Variants in SH3GL2 observed in about 807,000 individuals in gnomAD.
The protein encoded by SH3GL2 is SH3 domain containing GRB2 like 2, endophilin A1.
SH3GL2 carries 24 observed loss-of-function variants against 46.0 expected under a neutral mutation model. That is an observed-to-expected ratio of 0.52 (90% CI 0.38 to 0.73). The LOEUF is 0.73. Among genes scored for constraint, SH3GL2 ranks in the 30% least tolerant of loss-of-function variants. The pLI, the probability that SH3GL2 is intolerant of heterozygous loss-of-function variation, is 0.00. For synonymous variants in SH3GL2, 196 were observed against 147.1 expected (o/e 1.33, Z -2.40); for missense variants, 413 against 424.2 (o/e 0.97, Z 0.23).
At chr9:17,635,006 C>T (rs1287693863) in intron 1 of SH3GL2, among the ~76,000 whole-genome samples, 2 of 152,140 alleles carry the variant, frequency 1.3e-5, no homozygotes, top group African/African-American at 4.8e-5. Context: ...TTCAAGGATA[C>T]GTGGGCAAGA....
intron 1 of SH3GL2, among the ~76,000 whole-genome samples, chr9:17,596,787 A>G (rs1390945817): frequency 6.6e-6 from 1 of 152,242 alleles, no homozygotes; most frequent in Non-Finnish European, 1.5e-5. Context: ...AAAAATGGAA[A>G]AAACACTACC....
intron 1 of SH3GL2, among the ~76,000 whole-genome samples, chr9:17,666,728 A>G (rs916300864): frequency 6.6e-6 from 1 of 152,076 alleles, no homozygotes; most frequent in African/African-American, 2.4e-5. Context: ...AACCTAGTGT[A>G]TATATATGTT....
Position 17,694,380 on chromosome 9 carries a change from G to A in SH3GL2, c.46-52686G>A, listed in dbSNP as rs542695796. Among the ~76,000 whole-genome samples, 330 of 152,152 alleles carry A rather than the reference G, an allele frequency of 2.2e-3. 4 individuals are homozygous for A. The highest frequency in any genetic ancestry group is 6.2e-3 in the Admixed American group (94 of 15,254). On this transcript the variant is annotated intron_variant, in intron 1 of 8. Coordinates refer to ENST00000380607, the MANE Select transcript of SH3GL2 (RefSeq NM_003026.5). ...TGGTGTTGATTGCCTATTTTTTAATGCTAATAAGTAAGTGTTCTTTTTCTC... is the reference window on the plus strand; with the variant it reads ...TGGTGTTGATTGCCTATTTTTTAATACTAATAAGTAAGTGTTCTTTTTCTC...
At chr9:17,680,757 G>A (rs1466984459) in intron 1 of SH3GL2, among the ~76,000 whole-genome samples, 3 of 151,982 alleles carry the variant, frequency 2.0e-5, no homozygotes, top group African/African-American at 7.3e-5. Context: ...GCTTTCTCTT[G>A]TGGGCATTTA....
At chr9:17,775,486 G>C (rs1487634117) in intron 3 of SH3GL2, among the ~76,000 whole-genome samples, 4 of 152,160 alleles carry the variant, frequency 2.6e-5, no homozygotes, top group Admixed American at 2.6e-4. Flanking sequence ...ATATGTAGTA[G>C]ATAACTTCTG....
chr9:17,732,586 C>T (rs940366518), intron 1 of SH3GL2, among the ~76,000 whole-genome samples: 4 of 152,010 alleles, frequency 2.6e-5, no homozygotes, highest in Non-Finnish European at 5.9e-5. Flanking sequence ...CTAACAAGTG[C>T]TGAATGGTTA....
At chr9:17,690,048 A>G (rs1821032513) in intron 1 of SH3GL2, among the ~76,000 whole-genome samples, 1 of 152,072 alleles carries the variant, frequency 6.6e-6, no homozygotes, top group Non-Finnish European at 1.5e-5. Context: ...TTAACCGCAC[A>G]TTCTGTGTGA....
Position 17,793,556 on chromosome 9 carries a change from T to G in SH3GL2, c.859+59T>G, listed in dbSNP as rs572040653. 1.5e-5 allele frequency: 23 copies of G among 1,556,308 alleles called. No individual in the cohort carries two copies. The East Asian group carries it at 5.3e-4, about 36-fold the overall frequency. On this transcript the variant is annotated intron_variant, in intron 8 of 8. Coordinates refer to ENST00000380607, the MANE Select transcript of SH3GL2 (RefSeq NM_003026.5). Reference sequence around the variant, plus strand: ...CCCTTGGCATATCCATTGGCACTCTTCCAGAAATTTTAGGAATAGTCCAAT... The same window carrying G: ...CCCTTGGCATATCCATTGGCACTCTGCCAGAAATTTTAGGAATAGTCCAAT...
chr9:17,594,310 C>T (rs1426837219), intron 1 of SH3GL2, among the ~76,000 whole-genome samples: 1 of 152,202 alleles, frequency 6.6e-6, no homozygotes, highest in East Asian at 1.9e-4. Flanking sequence ...GCACCATGCT[C>T]TTCCCTCTCT....
intron 7 of SH3GL2, among the ~76,000 whole-genome samples, chr9:17,792,109 C>G (rs891845439): frequency 2.6e-5 from 4 of 152,242 alleles, no homozygotes; most frequent in African/African-American, 9.6e-5. Flanking sequence ...CCAGATTAGA[C>G]TCTCACAGCT....
intron 1 of SH3GL2, among the ~76,000 whole-genome samples, chr9:17,667,191 G>C (rs139836722): frequency 4.6e-5 from 7 of 151,920 alleles, no homozygotes; most frequent in South Asian, 2.1e-4. Context: ...CTAGCTTGTC[G>C]TGTATTCTTT....
chr9:17,758,600 A>G (rs553211456), intron 2 of SH3GL2, among the ~76,000 whole-genome samples: 1 of 145,180 alleles, frequency 6.9e-6, no homozygotes, highest in East Asian at 2.0e-4. Flanking sequence ...AAAAAATTGC[A>G]GTCAGTAGCA....
intron 1 of SH3GL2, among the ~76,000 whole-genome samples, chr9:17,582,369 T>C (rs1046339576): frequency 6.6e-6 from 1 of 152,224 alleles, no homozygotes; most frequent in Non-Finnish European, 1.5e-5. Flanking sequence ...AGTATTCTTT[T>C]TTTACTGTAA....
chr9:17,627,687 G>A (rs2134616828), intron 1 of SH3GL2, among the ~76,000 whole-genome samples: 1 of 152,288 alleles, frequency 6.6e-6, no homozygotes, highest in Non-Finnish European at 1.5e-5. Flanking sequence ...AAAGGTGTTT[G>A]TCATCCTACC....
chr9:17,608,241 A>G (rs889441009), intron 1 of SH3GL2, among the ~76,000 whole-genome samples: 2 of 136,914 alleles, frequency 1.5e-5, no homozygotes, highest in Non-Finnish European at 1.5e-5. Context: ...TCTGCCTCCC[A>G]GGTTCACGCC....
intron 1 of SH3GL2, among the ~76,000 whole-genome samples, chr9:17,634,034 A>G (rs1374387421): frequency 6.6e-6 from 1 of 152,216 alleles, no homozygotes; most frequent in Non-Finnish European, 1.5e-5. Context: ...GCATAAAGCA[A>G]TAGAGTGCAG....
At chr9:17,661,574 C>T (rs775246836) in intron 1 of SH3GL2, among the ~76,000 whole-genome samples, 2 of 152,142 alleles carry the variant, frequency 1.3e-5, no homozygotes, top group Non-Finnish European at 2.9e-5. Context: ...ATTAGGATTT[C>T]CATTTATGTT....
At chr9:17,579,633 G>A in intron 1 of SH3GL2, among the ~76,000 whole-genome samples, 1 of 152,228 alleles carries the variant, frequency 6.6e-6, no homozygotes. Flanking sequence ...GCGGCGCGGT[G>A]GGAGATTATG....
intron 1 of SH3GL2, among the ~76,000 whole-genome samples, chr9:17,588,449 T>C (rs73418630): frequency 0.08 from 12,133 of 152,218 alleles, 1,661 homozygotes; most frequent in African/African-American, 0.28. Context: ...GCAGGATATT[T>C]TCTCTGGCTG....
Sources: allele counts gnomAD v4.1 joint callset (sites outside exome capture counted in the v4.1 genomes callset), GRCh38; gene constraint gnomAD v4.1.1; transcripts MANE v1.5; gene names NCBI Gene and HGNC (gene_info 2026-07-23, HGNC 2026-07-21).